Variants in CCDC66 observed in about 807,000 individuals in gnomAD.
CCDC66 encodes the protein coiled-coil domain-containing protein 66.
Under a neutral mutation model 128.3 loss-of-function variants are expected in CCDC66, and 133 were observed. The observed-to-expected ratio is 1.04, with a 90% CI of 0.90 to 1.20. The LOEUF (loss-of-function observed/expected upper bound fraction) is 1.20. Ranked by LOEUF, CCDC66 falls within the 50% of genes most tolerant of loss-of-function variation. The probability of loss-of-function intolerance (pLI) is 0.00; values close to 1 mark genes in which losing one functional copy is unlikely to be tolerated. For synonymous variants in CCDC66, 387 were observed against 357.0 expected, an observed-to-expected ratio of 1.08 and a Z score of -0.95; for missense variants, 1,126 against 1,075.5, an observed-to-expected ratio of 1.05 and a Z score of -0.66.
Position 56,613,607 on chromosome 3 carries a change from G to T in CCDC66, c.1423G>T (p.Val475Leu). The change falls in exon 11 of 18, where the codon GTA becomes TTA. Residue 475 changes from valine (V) to leucine (L), a missense_variant. Coordinates refer to ENST00000394672, the MANE Select transcript of CCDC66 (RefSeq NM_001141947.3). ...TGACTAGAAAGCCATCACTGCCCAG[G>T]TAGAAGAGAAGCGCAGGAAGAAACA... ...LEHQKAITAQ[V>L]EEKRRKKQLE... 1 of 1,613,392 alleles carries T rather than the reference G, an allele frequency of 6.2e-7. No individual in the cohort carries two copies. Among genetic ancestry groups the T allele is most frequent in the Non-Finnish European group, 8.5e-7 (1 of 1,179,770 alleles).
chr3:56,566,602 A>G lies in CCDC66; in HGVS notation c.553A>G (p.Ser185Gly), dbSNP rs2065895947. The change falls in exon 5 of 18, where the codon AGT becomes GGT. Residue 185 changes from serine (S) to glycine (G), a missense_variant. Transcript: ENST00000394672. ...ENGKEAKSQYSLYLNSISNQP... is the reference protein window; with the variant it reads ...ENGKEAKSQYGLYLNSISNQP... ...TGTATTTTACCTCCTAGGTCAATAT[A>G]GTCTATATTTAAACAGTATTTCTAA... The G allele has an allele frequency of 1.3e-6, 2 of 1,563,256 alleles. No individual in the cohort carries two copies. Among genetic ancestry groups the G allele is most frequent in the Non-Finnish European group, 1.8e-6 (2 of 1,136,724 alleles).
At chr3:56,590,723 A>G (rs762060842) in intron 7 of CCDC66, among the ~76,000 whole-genome samples, 10 of 151,982 alleles carry the variant, frequency 6.6e-5, no homozygotes, top group Non-Finnish European at 1.2e-4. Flanking sequence ...TGTGCACTCC[A>G]GCCTGGGTGA....
chr3:56,584,924 C>G (rs1175117776), intron 7 of CCDC66, among the ~76,000 whole-genome samples: 1 of 151,888 alleles, frequency 6.6e-6, no homozygotes, highest in Non-Finnish European at 1.5e-5. Context: ...ACCCCGTCTC[C>G]ACCAAAAAAA....
intron 6 of CCDC66, among the ~76,000 whole-genome samples, chr3:56,568,219 C>T (rs1452982560): frequency 6.6e-6 from 1 of 152,108 alleles, no homozygotes; most frequent in Non-Finnish European, 1.5e-5. Flanking sequence ...GTTTGTAGGC[C>T]CTCTGAACAG....
chr3:56,594,528 A>G (rs1393703833), intron 10 of CCDC66, among the ~76,000 whole-genome samples: 1 of 151,964 alleles, frequency 6.6e-6, no homozygotes, highest in Admixed American at 6.6e-5. Flanking sequence ...TAAAAATACA[A>G]AAAATTAGCT....
At chr3:56,599,139 A>C (rs1420149827) in intron 10 of CCDC66, among the ~76,000 whole-genome samples, 1 of 151,954 alleles carries the variant, frequency 6.6e-6, no homozygotes, top group African/African-American at 2.4e-5. Context: ...TCCTGATTCA[A>C]TCTTGATAGC....
At chr3:56,593,803 T>G in intron 9 of CCDC66, 62 bp downstream of exon 9, 1 of 1,591,134 alleles carries the variant, frequency 6.3e-7, no homozygotes, top group South Asian at 1.1e-5. Context: ...AGTAAGACTG[T>G]TGTTATGTCT....
At chr3:56,590,506 G>T (rs956856795) in intron 7 of CCDC66, among the ~76,000 whole-genome samples, 3 of 152,130 alleles carry the variant, frequency 2.0e-5, no homozygotes, top group Non-Finnish European at 2.9e-5. Flanking sequence ...GCCATGTGCA[G>T]TGGCTCTTTG....
At chr3:56,597,306 G>A (rs1301165650) in intron 10 of CCDC66, among the ~76,000 whole-genome samples, 3 of 151,970 alleles carry the variant, frequency 2.0e-5, no homozygotes, top group Non-Finnish European at 4.4e-5. Flanking sequence ...CTATAGTCTT[G>A]TAATGTATTT....
intron 10 of CCDC66, among the ~76,000 whole-genome samples, chr3:56,597,848 CA>C (rs1400321712): frequency 7.4e-6 from 1 of 135,450 alleles, no homozygotes; most frequent in Non-Finnish European, 1.5e-5. Context: ...GATCTCATCC[CA>C]CTGCAACCTC....
At chr3:56,582,181 G>A (rs1390910438) in intron 7 of CCDC66, among the ~76,000 whole-genome samples, 1 of 151,928 alleles carries the variant, frequency 6.6e-6, no homozygotes, top group Non-Finnish European at 1.5e-5. Flanking sequence ...CTAGCAGTGA[G>A]CGAGGCTCCG....
At chr3:56,571,118 T>G in intron 6 of CCDC66, 63 bp from the exon 7 acceptor site, 1 of 1,267,206 alleles carries the variant, frequency 7.9e-7, no homozygotes, top group Non-Finnish European at 1.1e-6. Context: ...AAGGTCAGAT[T>G]TGTTTACATG....
At chr3:56,566,124 T>TTGTTTTGTTTTGTTTTGTTC (rs1185547184) in intron 4 of CCDC66, among the ~76,000 whole-genome samples, 1 of 151,880 alleles carries the variant, frequency 6.6e-6, no homozygotes. Context: ...TTGTTTTGTT[T>TTGTTTTGTTTTGTTTTGTTC]TGTTTTGTTT....
rs559703974 is a variant in CCDC66, at chr3:56,619,254, A to G, written c.2379-17A>G. ...TAATCTAAATACACAATTTTTTACT[A>G]TTTTTTTTTTAAATAGGTCTCCATC... On this transcript the variant is annotated splice_polypyrimidine_tract_variant and intron_variant, in intron 15 of 17. Coordinates refer to ENST00000394672, the MANE Select transcript of CCDC66 (RefSeq NM_001141947.3). 13 of 1,435,336 alleles carry G rather than the reference A, an allele frequency of 9.1e-6. No individual in the cohort carries two copies. The East Asian group carries it at 2.2e-4, about 24-fold the overall frequency. The allele number at this position is 1,435,336 out of a possible 1,614,324, so 88.9% of individuals were successfully genotyped here.
chr3:56,580,081 A>C (rs2068070252), intron 7 of CCDC66, among the ~76,000 whole-genome samples: 1 of 151,734 alleles, frequency 6.6e-6, no homozygotes, highest in African/African-American at 2.4e-5. Flanking sequence ...TGCTTTATGA[A>C]TCTGGGTGCT....
Position 56,579,427 on chromosome 3 carries a change from T to C in CCDC66, c.936+8125T>C, listed in dbSNP as rs185074230. On this transcript the variant is annotated intron_variant, in intron 7 of 17. Transcript: ENST00000394672. ...TATCTCCTTCAGTTCTGCTTTGATC[T>C]TAGTTATTTCTTGCCTTCTGCTAGC... Among the ~76,000 whole-genome samples the C allele has an allele frequency of 4.9e-4, 74 of 151,974 alleles. 1 individual carries two copies. The highest frequency in any genetic ancestry group is 3.4e-3 in the Middle Eastern group (1 of 294).
chr3:56,563,636 G>A, intron 3 of CCDC66, 48 bp from the exon 4 acceptor site: 2 of 1,398,638 alleles, frequency 1.4e-6, no homozygotes, highest in Non-Finnish European at 1.9e-6. Flanking sequence ...GATAATTGGT[G>A]ATTTTTCTTG....
chr3:56,586,556 C>G (rs1385173655), intron 7 of CCDC66, among the ~76,000 whole-genome samples: 2 of 149,592 alleles, frequency 1.3e-5, no homozygotes, highest in Admixed American at 1.3e-4. Flanking sequence ...AAAAAGAAAA[C>G]TAAAGTAATC....
chr3:56,615,412 C>A, intron 12 of CCDC66, 140 bp downstream of exon 12: 1 of 769,274 alleles, frequency 1.3e-6, no homozygotes, highest in Non-Finnish European at 1.9e-6. Context: ...CTCACTGCAA[C>A]CTCATATTTT....
Sources: allele counts gnomAD v4.1 joint callset (sites outside exome capture counted in the v4.1 genomes callset), GRCh38; gene constraint gnomAD v4.1.1; transcripts MANE v1.5; gene names NCBI Gene and HGNC (gene_info 2026-07-23, HGNC 2026-07-21).